The following NPAS3 variants were observed in gnomAD, a reference collection of about 807,000 sequenced individuals.
NPAS3 encodes the protein neuronal PAS domain protein 3.
NPAS3 carries 14 observed loss-of-function variants against 73.1 expected under a neutral mutation model. The ratio of observed to expected loss-of-function variants is 0.19; its 90% confidence interval spans 0.13 to 0.30. NPAS3 has a LOEUF of 0.30. Among genes scored for constraint, NPAS3 ranks in the 10% least tolerant of loss-of-function variants. The pLI is 1.00. For missense variants in NPAS3, 1,096 were observed against 1,250.0 expected (o/e 0.88, Z 1.86); for synonymous variants, 620 against 541.5 (o/e 1.14, Z -2.01).
chr14:33,715,977 C>A (rs530737495), intron 6 of NPAS3, among the ~76,000 whole-genome samples: 1 of 152,208 alleles, frequency 6.6e-6, no homozygotes, highest in African/African-American at 2.4e-5. Context: ...TGTGAGGCCT[C>A]CTCATCCATG....
intron 4 of NPAS3, among the ~76,000 whole-genome samples, chr14:33,413,040 T>C (rs1043398291): frequency 6.6e-6 from 1 of 152,168 alleles, no homozygotes; most frequent in African/African-American, 2.4e-5. Flanking sequence ...AGGCAGTTCG[T>C]ACAACAGGAA....
intron 4 of NPAS3, among the ~76,000 whole-genome samples, chr14:33,516,820 G>A (rs535396186): frequency 2.6e-5 from 4 of 152,158 alleles, no homozygotes; most frequent in Non-Finnish European, 5.9e-5. Context: ...GCATTCCTAT[G>A]GAGTCTTACC....
rs10131403 is a variant in NPAS3, at chr14:33,082,289, C to G, written c.140+26295C>G. Reference sequence around the variant, plus strand: ...GTTGTAAGAAAGGGAGACCTAGCAGCCGCAAGGCACACACGGCTGGAGTTA... The same window carrying G: ...GTTGTAAGAAAGGGAGACCTAGCAGGCGCAAGGCACACACGGCTGGAGTTA... On this transcript the variant is annotated intron_variant, in intron 2 of 11. Coordinates refer to ENST00000356141, the Ensembl canonical transcript of NPAS3. Among the ~76,000 whole-genome samples the G allele has an allele frequency of 6.4e-3, 979 of 152,234 alleles. 10 individuals are homozygous for G. Among genetic ancestry groups the G allele is most frequent in the African/African-American group, 0.023 (945 of 41,530 alleles).
At chr14:33,070,961 A>G (rs2041464609) in intron 2 of NPAS3, among the ~76,000 whole-genome samples, 1 of 152,188 alleles carries the variant, frequency 6.6e-6, no homozygotes, top group African/African-American at 2.4e-5. Context: ...TAAGGAACTT[A>G]GAGATGTGTG....
chr14:32,987,011 G>T (rs939627504), intron 1 of NPAS3, among the ~76,000 whole-genome samples: 1 of 152,164 alleles, frequency 6.6e-6, no homozygotes, highest in Admixed American at 6.5e-5. Flanking sequence ...GAAGAGAGCG[G>T]TGTGCCTGGG....
At chr14:33,738,878 G>A (rs910111292) in intron 7 of NPAS3, among the ~76,000 whole-genome samples, 7 of 152,110 alleles carry the variant, frequency 4.6e-5, no homozygotes, top group Non-Finnish European at 1.0e-4. Context: ...AACTTGCTAG[G>A]TATAGCGCAT....
chr14:33,132,312 A>G (rs979490968), intron 2 of NPAS3, among the ~76,000 whole-genome samples: 2 of 152,176 alleles, frequency 1.3e-5, no homozygotes, highest in African/African-American at 4.8e-5. Flanking sequence ...TGAGTGCTGA[A>G]GAGACAAACT....
intron 4 of NPAS3, among the ~76,000 whole-genome samples, chr14:33,478,899 T>A (rs1340115733): frequency 6.6e-6 from 1 of 152,202 alleles, no homozygotes; most frequent in Non-Finnish European, 1.5e-5. Flanking sequence ...TTTAACTCTC[T>A]GGCTGCCAAT....
At chr14:33,769,271 A>C (rs2062564351) in intron 7 of NPAS3, among the ~76,000 whole-genome samples, 1 of 152,240 alleles carries the variant, frequency 6.6e-6, no homozygotes, top group Non-Finnish European at 1.5e-5. Context: ...TCATCACTTA[A>C]GTGCCTAACT....
At chr14:33,582,624 G>GT (rs1443742982) in intron 5 of NPAS3, among the ~76,000 whole-genome samples, 1 of 152,104 alleles carries the variant, frequency 6.6e-6, no homozygotes, top group Non-Finnish European at 1.5e-5. Context: ...TGAAATCATT[G>GT]TTTTTTCCTT....
chr14:33,222,728 A>C (rs138699788), intron 3 of NPAS3, among the ~76,000 whole-genome samples: 2,319 of 152,268 alleles, frequency 0.015, 25 homozygotes, highest in Middle Eastern at 0.061. Context: ...TTTAAGTTGA[A>C]TTGTGTAGAA....
chr14:33,026,380 A>C (rs1251993702), intron 1 of NPAS3, among the ~76,000 whole-genome samples: 1 of 152,152 alleles, frequency 6.6e-6, no homozygotes, highest in Admixed American at 6.5e-5. Flanking sequence ...TAGGGCAGGG[A>C]ATCTGTATGG....
chr14:33,184,441 A>T (rs1210588700), intron 2 of NPAS3, among the ~76,000 whole-genome samples: 1 of 152,030 alleles, frequency 6.6e-6, no homozygotes, highest in Non-Finnish European at 1.5e-5. Flanking sequence ...CAACATGTTG[A>T]TGAGTTTGGA....
intron 2 of NPAS3, among the ~76,000 whole-genome samples, chr14:33,166,150 C>T (rs1248998151): frequency 6.6e-6 from 1 of 152,132 alleles, no homozygotes; most frequent in Non-Finnish European, 1.5e-5. Context: ...CAGAAGCCTC[C>T]CCCTCACCCC....
intron 1 of NPAS3, among the ~76,000 whole-genome samples, chr14:32,997,004 C>A (rs1054818922): frequency 6.6e-6 from 1 of 152,148 alleles, no homozygotes; most frequent in Non-Finnish European, 1.5e-5. Context: ...GAGGCTGTAC[C>A]CTGCAAAGCA....
intron 1 of NPAS3, among the ~76,000 whole-genome samples, chr14:32,940,339 TTCAGAGTAA>T (rs2035936827): frequency 6.6e-6 from 1 of 152,204 alleles, no homozygotes; most frequent in African/African-American, 2.4e-5. Context: ...TTGATAGATT[TTCAGAGTAA>T]CTCAGCACCC....
intron 3 of NPAS3, among the ~76,000 whole-genome samples, chr14:33,343,419 T>C (rs2044580796): frequency 6.6e-6 from 1 of 152,208 alleles, no homozygotes; most frequent in Non-Finnish European, 1.5e-5. Context: ...TCTGCTACTA[T>C]ATCCAATTCC....
chr14:33,008,262 A>G (rs1287173769), intron 1 of NPAS3, among the ~76,000 whole-genome samples: 1 of 152,226 alleles, frequency 6.6e-6, no homozygotes, highest in Non-Finnish European at 1.5e-5. Context: ...GTATTATTTT[A>G]CTGACAAGGA....
intron 9 of NPAS3, among the ~76,000 whole-genome samples, chr14:33,779,166 A>G (rs1351766070): frequency 1.3e-5 from 2 of 152,204 alleles, no homozygotes; most frequent in African/African-American, 2.4e-5. Flanking sequence ...ACAGAAACTT[A>G]TCTCAGCTCT....
Sources: gnomAD v4.1 joint callset for allele counts (sites outside exome capture counted in the v4.1 genomes callset) on GRCh38, gnomAD v4.1.1 for gene constraint, MANE v1.5 for transcripts, NCBI Gene and HGNC (gene_info 2026-07-23, HGNC 2026-07-21) for gene names.